BABAM2: variants seen among roughly 807,000 people sequenced by gnomAD.
BABAM2 encodes BRISC and BRCA1 A complex member 2, also known as BRISC and BRCA1-A complex member 2.
Under a neutral mutation model 54.7 loss-of-function variants are expected in BABAM2, and 31 were observed. The ratio of observed to expected loss-of-function variants is 0.57; its 90% confidence interval spans 0.43 to 0.77. The LOEUF (loss-of-function observed/expected upper bound fraction) is 0.77. Ranked by LOEUF, BABAM2 falls within the 30% of genes least tolerant of loss-of-function variation. BABAM2 has a pLI of 0.00. For synonymous variants in BABAM2, 167 were observed against 162.9 expected (o/e 1.03, Z -0.19); for missense variants, 364 against 455.8 (o/e 0.80, Z 1.83).
intron 7 of BABAM2, among the ~76,000 whole-genome samples, chr2:28,161,968 C>T (rs1221040390): frequency 3.3e-5 from 5 of 152,134 alleles, no homozygotes; most frequent in African/African-American, 7.2e-5. Context: ...ACATGATTCA[C>T]TATATTATAT....
intron 10 of BABAM2, among the ~76,000 whole-genome samples, chr2:28,274,744 A>G (rs986580442): frequency 2.0e-5 from 3 of 152,212 alleles, no homozygotes; most frequent in African/African-American, 7.2e-5. Flanking sequence ...GGGAGAGCTG[A>G]GTGGTCAGAG....
intron 7 of BABAM2, among the ~76,000 whole-genome samples, chr2:28,198,044 A>T (rs544529802): frequency 1.3e-5 from 2 of 152,182 alleles, no homozygotes; most frequent in Non-Finnish European, 2.9e-5. Context: ...CCATGTAAGG[A>T]TAAATTAGAA....
chr2:28,334,958 T>C lies in BABAM2; in HGVS notation c.1089-3492T>C, dbSNP rs1037703968. On this transcript the variant is annotated intron_variant, in intron 11 of 11. Coordinates refer to ENST00000379624, the MANE Select transcript of BABAM2 (RefSeq NM_199191.3). ...CATGGTGCCGTTAATGGATAAGGGC[T>C]TTGAGGTCCTGAGTGCCAGAGAAGG... Among the ~76,000 whole-genome samples, 11 of 152,102 alleles carry C rather than the reference T, an allele frequency of 7.2e-5. No individual in the cohort carries two copies. In the East Asian group the frequency reaches 2.1e-3, roughly 29 times the overall value.
At chr2:28,293,159 T>C (rs1260530327) in intron 10 of BABAM2, among the ~76,000 whole-genome samples, 1 of 152,208 alleles carries the variant, frequency 6.6e-6, no homozygotes, top group African/African-American at 2.4e-5. Context: ...ACTTTTTTTT[T>C]CTGGAGAAAT....
chr2:28,112,150 C>CTTTCTTTCTTTCTTTCTTTCTTT (rs1558346816), intron 6 of BABAM2, among the ~76,000 whole-genome samples: 1 of 1,870 alleles, frequency 5.3e-4, no homozygotes, highest in African/African-American at 2.2e-3. Context: ...TCTTTCTTTA[C>CTTTCTTTCTTTCTTTCTTTCTTT]CTCCCTCCCT....
chr2:27,978,461 A>G (rs150628201), intron 3 of BABAM2, among the ~76,000 whole-genome samples: 1 of 152,252 alleles, frequency 6.6e-6, no homozygotes, highest in East Asian at 1.9e-4. Context: ...CACAAACTCT[A>G]TTGCTTGAAC....
chr2:28,283,171 C>A (rs1277431127), intron 10 of BABAM2, among the ~76,000 whole-genome samples: 1 of 151,968 alleles, frequency 6.6e-6, no homozygotes, highest in Non-Finnish European at 1.5e-5. Context: ...AATACAGTGG[C>A]CTTGTAGTGT....
intron 2 of BABAM2, among the ~76,000 whole-genome samples, chr2:27,915,474 T>C (rs1337976505): frequency 6.6e-6 from 1 of 152,160 alleles, no homozygotes; most frequent in Non-Finnish European, 1.5e-5. Context: ...TTATTTAACT[T>C]GCACAAGGCT....
intron 10 of BABAM2, among the ~76,000 whole-genome samples, chr2:28,289,305 A>G (rs187027929): frequency 6.6e-6 from 1 of 152,306 alleles, no homozygotes; most frequent in East Asian, 1.9e-4. Context: ...TTTGAACTTA[A>G]TATAAATGGA....
At chr2:28,084,589 G>A (rs1665476705) in intron 6 of BABAM2, among the ~76,000 whole-genome samples, 1 of 152,160 alleles carries the variant, frequency 6.6e-6, no homozygotes, top group African/African-American at 2.4e-5. Flanking sequence ...ACCCTTGGGT[G>A]TCTTCATTTT....
chr2:28,202,549 C>T (rs1367365049), intron 7 of BABAM2, among the ~76,000 whole-genome samples: 2 of 152,156 alleles, frequency 1.3e-5, no homozygotes, highest in African/African-American at 4.8e-5. Context: ...GCTTCAGAAA[C>T]AGCTGGGTAA....
At chr2:28,164,112 A>G (rs976344077) in intron 7 of BABAM2, among the ~76,000 whole-genome samples, 2 of 152,206 alleles carry the variant, frequency 1.3e-5, no homozygotes, top group African/African-American at 4.8e-5. Context: ...GATCATAGGG[A>G]TGGAAAGACA....
Position 28,220,919 on chromosome 2 carries a change from C to CA in BABAM2, c.681-16275dup, listed in dbSNP as rs202169117. On this transcript the variant is annotated intron_variant, in intron 7 of 11. Coordinates refer to ENST00000379624, the MANE Select transcript of BABAM2 (RefSeq NM_199191.3). ...TCTGGGTGACAGAGGAAGACCCTGT[C>CA]AAAAAAAAGAACAACTATACAAAAT... 5.9e-3 allele frequency among the ~76,000 whole-genome samples: 892 copies of CA among 151,688 alleles called. 8 individuals are homozygous for CA. The highest frequency in any genetic ancestry group is 0.02 in the African/African-American group (841 of 41,384).
intron 7 of BABAM2, among the ~76,000 whole-genome samples, chr2:28,207,438 A>G (rs1482463557): frequency 2.0e-5 from 3 of 152,004 alleles, no homozygotes; most frequent in East Asian, 1.9e-4. Context: ...GCGTGCACCT[A>G]TAGTCCCAGC....
At chr2:28,261,866 G>A (rs1684575214) in intron 10 of BABAM2, among the ~76,000 whole-genome samples, 1 of 148,454 alleles carries the variant, frequency 6.7e-6, no homozygotes, top group Admixed American at 6.9e-5. Context: ...TTATCCCTTC[G>A]GTCATCATGT....
At chr2:28,019,766 T>A (rs1558661387) in intron 4 of BABAM2, among the ~76,000 whole-genome samples, 1 of 152,186 alleles carries the variant, frequency 6.6e-6, no homozygotes, top group Non-Finnish European at 1.5e-5. Flanking sequence ...TTCCCCACTT[T>A]ATGTTTTTGT....
intron 3 of BABAM2, among the ~76,000 whole-genome samples, chr2:27,966,042 G>A (rs1670818873): frequency 6.6e-6 from 1 of 152,148 alleles, no homozygotes; most frequent in Non-Finnish European, 1.5e-5. Context: ...GTAGTTTGAT[G>A]TAGAGGCTTA....
chr2:28,139,049 A>G (rs1236808662), intron 7 of BABAM2, among the ~76,000 whole-genome samples: 1 of 152,162 alleles, frequency 6.6e-6, no homozygotes, highest in Non-Finnish European at 1.5e-5. Flanking sequence ...CATGTGCCCC[A>G]GATACCCAAG....
At chr2:27,939,852 T>C (rs1044035148) in intron 3 of BABAM2, among the ~76,000 whole-genome samples, 2 of 152,214 alleles carry the variant, frequency 1.3e-5, no homozygotes, top group Non-Finnish European at 2.9e-5. Context: ...GGCGTATTTC[T>C]ACTCACTAAT....
Sources: allele counts gnomAD v4.1 joint callset (sites outside exome capture counted in the v4.1 genomes callset), GRCh38; gene constraint gnomAD v4.1.1; transcripts MANE v1.5; gene names NCBI Gene and HGNC (gene_info 2026-07-23, HGNC 2026-07-21).